ARID1B: variants seen among roughly 807,000 people sequenced by gnomAD.
ARID1B encodes the protein AT-rich interactive domain-containing protein 1B.
ARID1B carries 30 observed loss-of-function variants against 212.3 expected under a neutral mutation model. The observed-to-expected ratio is 0.14, with a 90% confidence interval of 0.11 to 0.19. The LOEUF is 0.19. Ranked by LOEUF, ARID1B falls within the 10% of genes least tolerant of loss-of-function variation. The probability of loss-of-function intolerance (pLI) is 1.00; values close to 1 mark genes in which losing one functional copy is unlikely to be tolerated. For synonymous variants in ARID1B, 1,402 were observed against 1,301.7 expected, an observed-to-expected ratio of 1.08 and a Z score of -1.66; for missense variants, 2,891 against 3,204.0, an observed-to-expected ratio of 0.90 and a Z score of 2.36.
At chr6:156,800,393 A>G (rs1780691113) in intron 1 of ARID1B, among the ~76,000 whole-genome samples, 1 of 152,168 alleles carries the variant, frequency 6.6e-6, no homozygotes, top group Admixed American at 6.5e-5. Flanking sequence ...GTTCAAGACC[A>G]GCCTGACCAA....
chr6:156,897,221 T>TTCTG (rs1562468311), intron 2 of ARID1B, among the ~76,000 whole-genome samples: 1 of 78,828 alleles, frequency 1.3e-5, no homozygotes, highest in Non-Finnish European at 2.9e-5. Context: ...TGCTGCTGCT[T>TTCTG]CTTCTTCTTC....
intron 4 of ARID1B, among the ~76,000 whole-genome samples, chr6:157,068,696 A>G (rs1411893723): frequency 6.6e-6 from 1 of 152,232 alleles, no homozygotes; most frequent in Non-Finnish European, 1.5e-5. Flanking sequence ...TCATATGCTT[A>G]CATAGTGTGA....
At chr6:156,870,469 A>G (rs1161101359) in intron 2 of ARID1B, 1 of 152,242 alleles carries the variant, frequency 6.6e-6, no homozygotes, top group African/African-American at 2.4e-5. Context: ...GTCTCACTTC[A>G]GGGCTTAGGG....
At chr6:156,993,782 G>A (rs1344286795) in intron 4 of ARID1B, among the ~76,000 whole-genome samples, 1 of 152,124 alleles carries the variant, frequency 6.6e-6, no homozygotes, top group Admixed American at 6.5e-5. Flanking sequence ...GTAGCCTGTT[G>A]ACTTGTTGCT....
chr6:156,977,865 T>G (rs1029378501), intron 4 of ARID1B, among the ~76,000 whole-genome samples: 10 of 152,212 alleles, frequency 6.6e-5, no homozygotes, highest in Admixed American at 6.5e-4. Context: ...TTTTGGGTCT[T>G]ACTTTAAGCT....
chr6:157,039,822 C>G (rs1562569794), intron 4 of ARID1B, among the ~76,000 whole-genome samples: 6 of 111,362 alleles, frequency 5.4e-5, no homozygotes. Flanking sequence ...TTCTTTTTCT[C>G]TCTTTCTCTC....
At chr6:157,122,063 T>TA (rs1235179566) in intron 6 of ARID1B, among the ~76,000 whole-genome samples, 1 of 152,206 alleles carries the variant, frequency 6.6e-6, no homozygotes, top group African/African-American at 2.4e-5. Flanking sequence ...TTAGAAATGC[T>TA]AGTTTGTTTA....
chr6:157,144,647 T>G (rs941596176), intron 7 of ARID1B, among the ~76,000 whole-genome samples: 5 of 150,614 alleles, frequency 3.3e-5, no homozygotes. Context: ...CAGGGAAAAG[T>G]CGTGAGGACT....
In ARID1B at chr6:157,133,104, T is replaced by C; in HGVS notation, c.2658T>C (p.Pro886=). 1 of 1,614,184 alleles carries C rather than the reference T, an allele frequency of 6.2e-7. No homozygotes were observed. Among genetic ancestry groups the C allele is most frequent in the Non-Finnish European group, 8.5e-7 (1 of 1,180,038 alleles). The change falls in exon 7 of 20, where the codon CCT becomes CCC. Residue 886 remains proline (P), a synonymous_variant. Transcript: ENST00000636930. ...GPQQTGPSMS[P]HPSPGGQMHA... is the part of the protein sequence containing the mutation. ...AACAGACAGGACCATCCATGTCGCC[T>C]CATCCTTCTCCTGGGGGCCAGATGC...
At chr6:157,119,472 GA>G (rs1259573899) in intron 6 of ARID1B, 1 of 152,892 alleles carries the variant, frequency 6.5e-6, no homozygotes, top group Non-Finnish European at 1.5e-5. Flanking sequence ...CTGCCACACT[GA>G]ACCTCTTGGG....
intron 8 of ARID1B, among the ~76,000 whole-genome samples, chr6:157,154,576 T>G (rs1456504326): frequency 1.4e-5 from 2 of 144,758 alleles, no homozygotes; most frequent in Non-Finnish European, 3.0e-5. Flanking sequence ...CTGTTTTTTT[T>G]TTTGTTTTTT....
At chr6:156,959,607 GT>G (rs1794221626) in intron 4 of ARID1B, among the ~76,000 whole-genome samples, 1 of 152,036 alleles carries the variant, frequency 6.6e-6, no homozygotes, top group African/African-American at 2.4e-5. Context: ...GGGTTGTAGT[GT>G]TCTATTATTA....
At chr6:156,832,770 C>T (rs1465966075) in intron 2 of ARID1B, among the ~76,000 whole-genome samples, 1 of 152,172 alleles carries the variant, frequency 6.6e-6, no homozygotes, top group Non-Finnish European at 1.5e-5. Context: ...CTCTGAGAGT[C>T]TGAAGGAACT....
At chr6:156,853,264 G>T (rs1174488026) in intron 2 of ARID1B, among the ~76,000 whole-genome samples, 1 of 152,226 alleles carries the variant, frequency 6.6e-6, no homozygotes. Flanking sequence ...ATGTAAAAAT[G>T]AATTTGAAAT....
chr6:157,045,270 A>G (rs539833056), intron 4 of ARID1B, among the ~76,000 whole-genome samples: 12 of 152,360 alleles, frequency 7.9e-5, no homozygotes, highest in Non-Finnish European at 1.5e-4. Flanking sequence ...GCCCCAGGCT[A>G]CCAATATAGT....
chr6:157,105,022 G>A (rs1384226111), intron 5 of ARID1B, among the ~76,000 whole-genome samples: 1 of 152,184 alleles, frequency 6.6e-6, no homozygotes, highest in Non-Finnish European at 1.5e-5. Flanking sequence ...AGAAGAGGAA[G>A]TCCAGAGTTA....
intron 16 of ARID1B, 73 bp from the exon 17 acceptor site, chr6:157,198,738 A>T: frequency 7.5e-7 from 1 of 1,325,216 alleles, no homozygotes; most frequent in Non-Finnish European, 1.1e-6. Flanking sequence ...AGGGTTCCAG[A>T]AATGGATTGT....
rs1793272457 is a variant in ARID1B, at chr6:157,190,330, C to T, written c.4231+120C>T. On this transcript the variant is annotated intron_variant, in intron 15 of 19. Coordinates refer to ENST00000636930, the MANE Select transcript of ARID1B (RefSeq NM_001374828.1). This position sits in a 1 kb window ranked among gnomAD's most constrained non-coding sequence, Gnocchi z 4.6. ...GAGCCCATGCTGCATCGGTGTGGGT[C>T]CCAGGTCCCCATCCTACTCCACTTG... The T allele has an allele frequency of 8.3e-7, 1 of 1,198,020 alleles. No homozygotes were observed. Among genetic ancestry groups the T allele is most frequent in the Non-Finnish European group, 1.1e-6 (1 of 881,490 alleles). 74.2% of individuals were successfully genotyped at this position (1,198,020 alleles called of 1,614,324 possible). A position where few individuals can be genotyped will look rare whatever the true frequency, so the allele number is the denominator to read the frequency against.
At chr6:157,102,981 A>G (rs1355309093) in intron 5 of ARID1B, among the ~76,000 whole-genome samples, 2 of 151,818 alleles carry the variant, frequency 1.3e-5, no homozygotes, top group Admixed American at 1.3e-4. Context: ...TCAGACAACC[A>G]CCTGTTTTGG....
Sources: gnomAD v4.1 joint callset for allele counts (sites outside exome capture counted in the v4.1 genomes callset) on GRCh38, gnomAD v4.1.1 for gene constraint, Gnocchi (gnomAD v3.1) non-coding constraint, MANE v1.5 for transcripts, NCBI Gene and HGNC (gene_info 2026-07-23, HGNC 2026-07-21) for gene names.